The following MEIS1 variants were observed in gnomAD, a reference collection of about 807,000 sequenced individuals.
MEIS1 encodes the protein Meis homeobox 1, also known as homeobox protein Meis1.
MEIS1 carries 5 observed loss-of-function variants against 50.8 expected under a neutral mutation model. The observed-to-expected ratio is 0.10, with a 90% CI of 0.05 to 0.21. MEIS1 has a LOEUF of 0.21. MEIS1 is among the 10% of genes least tolerant of loss of function. The pLI is 1.00. For synonymous variants in MEIS1, 176 were observed against 179.3 expected, an observed-to-expected ratio of 0.98 and a Z score of 0.15; for missense variants, 318 against 517.3, an observed-to-expected ratio of 0.61 and a Z score of 3.74.
chr2:66,486,063 G>A (rs963180786), intron 7 of MEIS1, among the ~76,000 whole-genome samples: 5 of 152,070 alleles, frequency 3.3e-5, no homozygotes, highest in African/African-American at 1.2e-4. Context: ...TTCACTCTGA[G>A]GATAGTTTCT....
At chr2:66,439,080 C>CTTTTTTTTTTT (rs770879627) in intron 2 of MEIS1, 1 of 90,084 alleles carries the variant, frequency 1.1e-5, no homozygotes, top group Admixed American at 1.0e-4. Flanking sequence ...TCTTCTTCTT[C>CTTTTTTTTTTT]TTTTTTTTTT....
At chr2:66,523,062 G>A (rs927216498) in intron 8 of MEIS1, among the ~76,000 whole-genome samples, 1 of 152,192 alleles carries the variant, frequency 6.6e-6, no homozygotes, top group African/African-American at 2.4e-5. Context: ...ACAGAAACAG[G>A]TGTGAGCAGT....
intron 8 of MEIS1, among the ~76,000 whole-genome samples, chr2:66,531,846 GTGTC>G (rs1245757377): frequency 2.0e-5 from 3 of 152,032 alleles, no homozygotes; most frequent in Non-Finnish European, 4.4e-5. Context: ...AGCCAAGACA[GTGTC>G]TGTAAAATCA....
At chr2:66,568,890 A>G (rs943714726) in intron 11 of MEIS1, 134 bp downstream of exon 11, 1 of 1,067,948 alleles carries the variant, frequency 9.4e-7, no homozygotes, top group Non-Finnish European at 1.5e-6. Context: ...CTATCTGTGC[A>G]TCTAAGATAT....
intron 3 of MEIS1, 99 bp downstream of exon 3, chr2:66,440,083 A>ACACACACACC: frequency 2.8e-6 from 3 of 1,088,694 alleles, no homozygotes; most frequent in African/African-American, 1.6e-5. Flanking sequence ...ACACACACAC[A>ACACACACACC]CACACACACG....
intron 2 of MEIS1, chr2:66,439,581 C>A: frequency 6.6e-7 from 1 of 1,525,680 alleles, no homozygotes; most frequent in Non-Finnish European, 8.8e-7. Flanking sequence ...GCAAATGTTG[C>A]CAATTTCTCC....
chr2:66,471,154 T>G, intron 7 of MEIS1, among the ~76,000 whole-genome samples: 1 of 152,220 alleles, frequency 6.6e-6, no homozygotes, highest in Non-Finnish European at 1.5e-5. Context: ...GATTGACCTT[T>G]ACTGATTCCA....
chr2:66,442,303 A>G (rs1047432804), intron 5 of MEIS1, among the ~76,000 whole-genome samples: 1 of 146,608 alleles, frequency 6.8e-6, no homozygotes, highest in Non-Finnish European at 1.5e-5. Context: ...AATCAATTTG[A>G]TATGTTTTTG....
intron 8 of MEIS1, among the ~76,000 whole-genome samples, chr2:66,526,515 C>G (rs969272297): frequency 1.3e-5 from 2 of 152,178 alleles, no homozygotes; most frequent in African/African-American, 4.8e-5. Flanking sequence ...CATAAAATCT[C>G]CATTTGAAAT....
chr2:66,494,011 A>G (rs972407624), intron 7 of MEIS1, among the ~76,000 whole-genome samples: 2 of 152,210 alleles, frequency 1.3e-5, no homozygotes, highest in Admixed American at 1.3e-4. Flanking sequence ...GTTTCCTGAA[A>G]AAAAAGTCTT....
chr2:66,526,612 C>T (rs569994820), intron 8 of MEIS1, among the ~76,000 whole-genome samples: 1 of 152,248 alleles, frequency 6.6e-6, no homozygotes, highest in East Asian at 1.9e-4. Context: ...AGAGACAGAC[C>T]TCTGATGGCA....
chr2:66,538,132 A>G (rs912594576), intron 8 of MEIS1, among the ~76,000 whole-genome samples: 4 of 152,228 alleles, frequency 2.6e-5, no homozygotes, highest in Admixed American at 1.3e-4. Flanking sequence ...CCCAAGAACA[A>G]CATAGAGTGA....
chr2:66,448,674 T>A (rs1046056927), intron 6 of MEIS1, among the ~76,000 whole-genome samples: 6 of 152,170 alleles, frequency 3.9e-5, no homozygotes, highest in African/African-American at 1.4e-4. Flanking sequence ...TGTGAAATGC[T>A]AAAGTTTTAA....
intron 8 of MEIS1, among the ~76,000 whole-genome samples, chr2:66,547,430 A>G (rs568806481): frequency 1.3e-5 from 2 of 150,928 alleles, no homozygotes; most frequent in Non-Finnish European, 3.0e-5. Flanking sequence ...TGAATAGTGT[A>G]TGTGTGTGTG....
chr2:66,520,012 G>A (rs13402651), intron 8 of MEIS1, among the ~76,000 whole-genome samples: 1,736 of 152,096 alleles, frequency 0.011, 32 homozygotes, highest in African/African-American at 0.039. Context: ...CATTTGCCAC[G>A]TGGCATAGAT....
At chr2:66,504,436 A>G (rs1046332372) in intron 7 of MEIS1, among the ~76,000 whole-genome samples, 1 of 151,604 alleles carries the variant, frequency 6.6e-6, no homozygotes, top group Non-Finnish European at 1.5e-5. Context: ...GGCTTTCACT[A>G]TGTTGGGCAG....
intron 6 of MEIS1, 26 bp from the exon 7 acceptor site, chr2:66,464,083 T>G (rs1320428927): frequency 6.5e-7 from 1 of 1,533,666 alleles, no homozygotes; most frequent in Non-Finnish European, 8.9e-7. Context: ...GCCTCTTATT[T>G]GGGTTTCTGA....
chr2:66,568,488 C>T, intron 10 of MEIS1, 179 bp from the exon 11 acceptor site: 1 of 508,702 alleles, frequency 2.0e-6, no homozygotes, highest in South Asian at 2.2e-5. Context: ...TTTAAAAACT[C>T]AGTCACAGAG....
At chr2:66,473,378 C>CAA (rs71409174) in intron 7 of MEIS1, among the ~76,000 whole-genome samples, 870 of 53,016 alleles carry the variant, frequency 0.016, 29 homozygotes, top group African/African-American at 0.039. Flanking sequence ...GACTCCATGT[C>CAA]AAAAAAAAAA....
Sources: allele counts gnomAD v4.1 joint callset (sites outside exome capture counted in the v4.1 genomes callset), GRCh38; gene constraint gnomAD v4.1.1; transcripts MANE v1.5; gene names NCBI Gene and HGNC (gene_info 2026-07-23, HGNC 2026-07-21).